The following ARHGAP11A variants were observed in gnomAD, a reference collection of about 807,000 sequenced individuals.
ARHGAP11A encodes rho GTPase-activating protein 11A.
ARHGAP11A carries 36 observed loss-of-function variants against 60.5 expected under a neutral mutation model. The ratio of observed to expected loss-of-function variants is 0.59; its 90% CI spans 0.46 to 0.79. The LOEUF (loss-of-function observed/expected upper bound fraction) is 0.79. ARHGAP11A is among the 30% of genes least tolerant of loss of function. The probability of loss-of-function intolerance (pLI) is 0.00; values close to 1 mark genes in which losing one functional copy is unlikely to be tolerated. For synonymous variants in ARHGAP11A, 362 were observed against 415.5 expected (o/e 0.87, Z 1.57); for missense variants, 1,071 against 1,199.2 (o/e 0.89, Z 1.58).
chr15:32,628,764 A>C lies in ARHGAP11A; in HGVS notation c.899A>C (p.Asn300Thr). 1 of 1,569,806 alleles carries C rather than the reference A, an allele frequency of 6.4e-7. No individual in the cohort carries two copies. Among genetic ancestry groups the C allele is most frequent in the Non-Finnish European group, 8.6e-7 (1 of 1,167,228 alleles). ...GGAGCACTAAATAAATTTAAACCTA[A>C]CAGAACACCTTCTATTACACCTCAA... ...VSGALNKFKPNRTPSITPQEE... is the reference protein window; with the variant it reads ...VSGALNKFKPTRTPSITPQEE... The change falls in exon 7 of 12, where the codon AAC (asparagine) becomes ACC (threonine). Residue 300 changes from asparagine to threonine, a missense_variant. Around this residue, in one of 4 missense-constraint regions of ARHGAP11A, gnomAD observed 196 missense variants for 272.1 expected, o/e 0.72. Coordinates refer to ENST00000361627, the MANE Select transcript of ARHGAP11A (RefSeq NM_014783.6).
intron 1 of ARHGAP11A, among the ~76,000 whole-genome samples, chr15:32,619,666 A>G (rs1320806107): frequency 2.0e-5 from 3 of 152,162 alleles, no homozygotes; most frequent in Non-Finnish European, 2.9e-5. Flanking sequence ...TTGCTTTTCA[A>G]TTGACTTAGT....
At chr15:32,618,235 T>A (rs762614640) in intron 1 of ARHGAP11A, among the ~76,000 whole-genome samples, 1 of 152,118 alleles carries the variant, frequency 6.6e-6, no homozygotes, top group Non-Finnish European at 1.5e-5. Context: ...GATTAAATTA[T>A]AGTGGTTACT....
rs1164118241 is a variant in ARHGAP11A at position 32,636,669 on chromosome 15, A to G, written c.1896A>G (p.Pro632=). 1.2e-6 allele frequency: 2 copies of G among 1,613,872 alleles called. No individual in the cohort carries two copies. Among genetic ancestry groups the G allele is most frequent in the South Asian group, 2.2e-5 (2 of 90,964 alleles). ...TNVGKVKLTE[P]SYLEDSPEEN... ...TGGGGAAAGTAAAATTAACTGAACCATCTTATTTAGAAGATAGCCCAGAGG... is the reference window on the plus strand; with the variant it reads ...TGGGGAAAGTAAAATTAACTGAACCGTCTTATTTAGAAGATAGCCCAGAGG... Residue 632 remains proline, a synonymous_variant, in exon 12 of 12, where the codon CCA becomes CCG. Transcript: ENST00000361627.
intron 2 of ARHGAP11A, among the ~76,000 whole-genome samples, chr15:32,622,199 C>T (rs755818271): frequency 5.1e-4 from 77 of 152,280 alleles, no homozygotes; most frequent in Non-Finnish European, 1.3e-4. Flanking sequence ...TGGTGGATTG[C>T]TTGAGCCCAG....
chr15:32,617,871 T>G (rs1396413860), intron 1 of ARHGAP11A, among the ~76,000 whole-genome samples: 1 of 152,194 alleles, frequency 6.6e-6, no homozygotes, highest in East Asian at 1.9e-4. Flanking sequence ...AAACTTGGGC[T>G]GCTTGTTTGA....
Position 32,637,240 on chromosome 15 carries a change from A to G in ARHGAP11A, c.2467A>G (p.Asn823Asp). ...TAACAAGCTTTCTTTAAATGAACCA[A>G]ATAGAATAAAAGTCAAGTCACCTCT... is the stretch of plus-strand genomic sequence containing the variant. Reference protein sequence around the residue: ...WFNKLSLNEPNRIKVKSPLKF... With the variant: ...WFNKLSLNEPDRIKVKSPLKF... Residue 823 changes from asparagine (N) to aspartate (D), a missense_variant, in exon 12 of 12, where the codon AAT becomes GAT. This residue lies in a region of ARHGAP11A where 776 missense variants were observed against 760.2 expected (regional missense o/e 1.02). Transcript: ENST00000361627. 2 of 1,614,236 alleles carry G rather than the reference A, an allele frequency of 1.2e-6. No individual in the cohort carries two copies. The highest frequency in any genetic ancestry group is 1.7e-6 in the Non-Finnish European group (2 of 1,180,048).
Position 32,615,757 on chromosome 15 carries a change from G to C in ARHGAP11A, c.-455G>C, listed in dbSNP as rs2053121744. Reference sequence around the variant, plus strand: ...CTAGGGCGGGGGCGAGCGCCCAGTTGAGCCTGCTGGGGCTGGAGGAGCGAG... The same window carrying C: ...CTAGGGCGGGGGCGAGCGCCCAGTTCAGCCTGCTGGGGCTGGAGGAGCGAG... On this transcript the variant is annotated 5_prime_UTR_variant, in exon 1 of 12. Transcript: ENST00000361627. 1 of 155,614 alleles carries C rather than the reference G, an allele frequency of 6.4e-6. No individual in the cohort carries two copies. 9.6% of individuals were successfully genotyped at this position (155,614 alleles called of 1,614,324 possible).
At position 32,637,069 on chromosome 15, in the gene ARHGAP11A, C is replaced by T. The variant is rs2053734664; in HGVS notation, c.2296C>T (p.Gln766Ter). 1 of 1,613,928 alleles carries T rather than the reference C, an allele frequency of 6.2e-7. No homozygotes were observed. The highest frequency in any genetic ancestry group is 8.5e-7 in the Non-Finnish European group (1 of 1,180,014). Residue 766 changes from glutamine to a stop codon, truncating the protein, a stop_gained, in exon 12 of 12, where the codon CAG becomes TAG. Transcript: ENST00000361627. LOFTEE classifies it low-confidence loss of function (END_TRUNC). ...CGAGGCTAGATCCTCTTTCTCACAG[C>T]AGAGTACATGTGTTGTAACAAACTT... ...KDEARSSFSQQSTCVVTNLSK... is the reference protein window; with the variant it reads ...KDEARSSFSQ
Position 32,636,542 on chromosome 15 carries a change from A to G in ARHGAP11A, c.1769A>G (p.Asn590Ser). 1.9e-6 allele frequency: 3 copies of G among 1,614,176 alleles called. No homozygotes were observed. The highest frequency in any genetic ancestry group is 1.7e-4 in the Middle Eastern group (1 of 6,060). The change falls in exon 12 of 12, where the codon AAC becomes AGC. Residue 590 changes from asparagine (N) to serine (S), a missense_variant. By Grantham distance (46) the Asn-to-Ser change is conservative (BLOSUM62 1). This residue lies in a region of ARHGAP11A where 776 missense variants were observed against 760.2 expected (regional missense o/e 1.02). Transcript: ENST00000361627. ...AGCCCTCTTAGCGGGGATGAAAATA[A>G]CATGACCAAAGAGACTTTGGTGAAA... is the stretch of plus-strand genomic sequence containing the variant. Reference protein sequence around the residue: ...TSSPLSGDENNMTKETLVKVQ... With the variant: ...TSSPLSGDENSMTKETLVKVQ...
chr15:32,633,048 A>G lies in ARHGAP11A; in HGVS notation c.1175A>G (p.His392Arg). The G allele has an allele frequency of 6.2e-7, 1 of 1,614,190 alleles. No individual in the cohort carries two copies. Among genetic ancestry groups the G allele is most frequent in the Non-Finnish European group, 8.5e-7 (1 of 1,180,004 alleles). The part of the protein sequence containing the change: ...SLSPVLIGGN[H>R]LITAGVPRRS... ...TCTCCTGTACTCATTGGTGGAAACC[A>G]TTTGATCACTGCAGGTGTGCCAAGG... is the stretch of plus-strand genomic sequence containing the variant. Residue 392 changes from histidine (H) to arginine (R), a missense_variant, in exon 9 of 12, where the codon CAT (histidine) becomes CGT (arginine). His to Arg is a conservative substitution (Grantham distance 29). Transcript: ENST00000361627.
At chr15:32,631,626 T>C (rs1168758606) in intron 8 of ARHGAP11A, among the ~76,000 whole-genome samples, 1 of 152,188 alleles carries the variant, frequency 6.6e-6, no homozygotes, top group African/African-American at 2.4e-5. Context: ...TGTGATAAAT[T>C]TGCATTGTTC....
In ARHGAP11A at chr15:32,637,589, A is replaced by C; in HGVS notation, c.2816A>C (p.Asn939Thr). The change falls in exon 12 of 12, where the codon AAT (asparagine) becomes ACT (threonine). Residue 939 changes from asparagine to threonine, a missense_variant. By Grantham distance (65) the Asn-to-Thr change is moderately conservative. This residue lies in a region of ARHGAP11A where 776 missense variants were observed against 760.2 expected (regional missense o/e 1.02). Coordinates refer to ENST00000361627, the MANE Select transcript of ARHGAP11A (RefSeq NM_014783.6). Reference protein sequence around the residue: ...LKMRKHPDSVNASLRSTTVYK... With the variant: ...LKMRKHPDSVTASLRSTTVYK... ...ATGAGGAAGCACCCAGATTCAGTGA[A>C]TGCTTCTCTTAGGTCTACTACAGTT... 2 of 1,614,208 alleles carry C rather than the reference A, an allele frequency of 1.2e-6. No individual in the cohort carries two copies. Among genetic ancestry groups the C allele is most frequent in the Non-Finnish European group, 1.7e-6 (2 of 1,180,040 alleles).
chr15:32,620,105 T>A lies in ARHGAP11A; in HGVS notation c.130-3T>A, dbSNP rs1474236608. On this transcript the variant is annotated splice_region_variant and splice_polypyrimidine_tract_variant and intron_variant, in intron 1 of 11. Coordinates refer to ENST00000361627, the MANE Select transcript of ARHGAP11A (RefSeq NM_014783.6). The stretch of plus-strand genomic sequence containing the variant: ...GTTAGAGTAACTGAATTTGTCATTT[T>A]AGGGTAAAATATTTGGAGTACCTTT... The A allele has an allele frequency of 6.2e-7, 1 of 1,602,998 alleles. No homozygotes were observed. The highest frequency in any genetic ancestry group is 1.3e-5 in the African/African-American group (1 of 74,374).
At position 32,625,641 on chromosome 15, in the gene ARHGAP11A, G is replaced by A. The variant is rs1567053319; in HGVS notation, c.862+8G>A. On this transcript the variant is annotated splice_region_variant and intron_variant, in intron 6 of 11. Coordinates refer to ENST00000361627, the MANE Select transcript of ARHGAP11A (RefSeq NM_014783.6). ...GAAGACAAAGTGTAGGAGGTAAGTG[G>A]CGGTCCCATTTTATGGAGGTACAGT... The A allele has an allele frequency of 5.0e-6, 8 of 1,613,832 alleles. No homozygotes were observed. Among genetic ancestry groups the A allele is most frequent in the Non-Finnish European group, 6.8e-6 (8 of 1,179,766 alleles).
chr15:32,635,857 A>C lies in ARHGAP11A; in HGVS notation c.1425A>C (p.Glu475Asp). 1.2e-6 allele frequency: 2 copies of C among 1,611,542 alleles called. No individual in the cohort carries two copies. The highest frequency in any genetic ancestry group is 1.7e-6 in the Non-Finnish European group (2 of 1,179,308). The change falls in exon 11 of 12, where the codon GAA (glutamate) becomes GAC (aspartate). Residue 475 changes from glutamate (E) to aspartate (D), a missense_variant. Glu to Asp is a conservative substitution (Grantham distance 45). Coordinates refer to ENST00000361627, the MANE Select transcript of ARHGAP11A (RefSeq NM_014783.6). ...AACAAAGTTTAAAAAATCGAATTGA[A>C]TCTGTAAAAACAGGTTTGCTTTTTA... ...ANQQSLKNRI[E>D]SVKTGLLFSP...
At chr15:32,634,526 A>G (rs2053660335) in intron 10 of ARHGAP11A, among the ~76,000 whole-genome samples, 1 of 152,172 alleles carries the variant, frequency 6.6e-6, no homozygotes, top group Admixed American at 6.5e-5. Flanking sequence ...GTATTTACTT[A>G]AAACTTCCAA....
At chr15:32,624,936 C>G (rs2053423084) in intron 4 of ARHGAP11A, 144 bp from the exon 5 acceptor site, 1 of 713,830 alleles carries the variant, frequency 1.4e-6, no homozygotes, top group Non-Finnish European at 2.3e-6. Flanking sequence ...TTCTTGTGTT[C>G]AAGCCAATCA....
rs932244593 is a variant in ARHGAP11A at position 32,638,581 on chromosome 15, G to A, written c.*736G>A. ...GTCTGGAATTATATTAATGTTTATTGTCCTTGCCAAAATTCCTAGAAATTA... is the reference window on the plus strand; with the variant it reads ...GTCTGGAATTATATTAATGTTTATTATCCTTGCCAAAATTCCTAGAAATTA... On this transcript the variant is annotated 3_prime_UTR_variant, in exon 12 of 12. Coordinates refer to ENST00000361627, the MANE Select transcript of ARHGAP11A (RefSeq NM_014783.6). 1 of 152,288 alleles carries A rather than the reference G, an allele frequency of 6.6e-6. No homozygotes were observed. The highest frequency in any genetic ancestry group is 2.1e-4 in the South Asian group (1 of 4,822). 9.4% of individuals were successfully genotyped at this position (152,288 alleles called of 1,614,324 possible).
In ARHGAP11A at chr15:32,637,438, A is replaced by C; in HGVS notation, c.2665A>C (p.Lys889Gln). The change falls in exon 12 of 12, where the codon AAA (lysine) becomes CAA (glutamine). Residue 889 changes from lysine to glutamine, a missense_variant. This residue lies in a region of ARHGAP11A where 776 missense variants were observed against 760.2 expected (regional missense o/e 1.02). Coordinates refer to ENST00000361627, the MANE Select transcript of ARHGAP11A (RefSeq NM_014783.6). Reference sequence around the variant, plus strand: ...TTCCTCTTGTATAGAAAGTGCATCAAAAGATTCCTCTGTTTCATGTATCAA... The same window carrying C: ...TTCCTCTTGTATAGAAAGTGCATCACAAGATTCCTCTGTTTCATGTATCAA... ...ALSSCIESAS[K>Q]DSSVSCIKSG... 1 of 1,614,158 alleles carries C rather than the reference A, an allele frequency of 6.2e-7. No homozygotes were observed. The highest frequency in any genetic ancestry group is 8.5e-7 in the Non-Finnish European group (1 of 1,180,044).
Sources: allele counts gnomAD v4.1 joint callset (sites outside exome capture counted in the v4.1 genomes callset), GRCh38; gene constraint gnomAD v4.1.1; regional missense constraint gnomAD v4.1.1; transcripts MANE v1.5; gene names NCBI Gene and HGNC (gene_info 2026-07-23, HGNC 2026-07-21).